Variants in DGKD observed in about 807,000 individuals in gnomAD.
DGKD encodes DAG kinase delta.
A neutral mutation model predicts 154.4 loss-of-function variants in DGKD; 68 were observed. The ratio of observed to expected loss-of-function variants is 0.44; its 90% CI spans 0.36 to 0.54. The LOEUF is 0.54. Ranked by LOEUF, DGKD falls within the 20% of genes least tolerant of loss-of-function variation. The pLI is 0.00. For synonymous variants in DGKD, 693 were observed against 638.0 expected, an observed-to-expected ratio of 1.09 and a Z score of -1.30; for missense variants, 1,343 against 1,593.6, an observed-to-expected ratio of 0.84 and a Z score of 2.68.
chr2:233,445,770 G>C lies in DGKD; in HGVS notation c.1334+8G>C. On this transcript the variant is annotated splice_region_variant and intron_variant, in intron 11 of 29. Coordinates refer to ENST00000264057, the MANE Select transcript of DGKD (RefSeq NM_152879.3). The surrounding 1 kb of genome is among the most constrained non-coding windows in gnomAD (Gnocchi z 5.5). ...CACCAAGATGCTGGACAGGTGAGTG[G>C]GGATGTGCTCCGGTGCCGTATGAGG... The C allele has an allele frequency of 1.2e-6, 2 of 1,608,036 alleles. No homozygotes were observed. Among genetic ancestry groups the C allele is most frequent in the Non-Finnish European group, 1.7e-6 (2 of 1,176,742 alleles).
At chr2:233,386,597 A>G (rs1414755633) in intron 1 of DGKD, among the ~76,000 whole-genome samples, 1 of 152,132 alleles carries the variant, frequency 6.6e-6, no homozygotes, top group Non-Finnish European at 1.5e-5. Flanking sequence ...AAGCGTCATC[A>G]GAATGCTTGA....
At chr2:233,363,388 G>T (rs1315227089) in intron 1 of DGKD, among the ~76,000 whole-genome samples, 4 of 152,008 alleles carry the variant, frequency 2.6e-5, no homozygotes, top group African/African-American at 9.7e-5. Flanking sequence ...AGGATATAAA[G>T]AAAATACTTT....
intron 1 of DGKD, among the ~76,000 whole-genome samples, chr2:233,358,049 AT>A: frequency 6.6e-6 from 1 of 152,302 alleles, no homozygotes; most frequent in East Asian, 1.9e-4. Flanking sequence ...TGCATGTCTG[AT>A]TTTTTAATAT....
In DGKD at chr2:233,471,188, C is replaced by G. The variant is rs2064003098; in HGVS notation, c.*1728C>G. ...AGGCCTTGGGTTTCCCCAGCACAGC[C>G]TCCTGTCGCTGCATGCGACGTGTTG... On this transcript the variant is annotated 3_prime_UTR_variant, in exon 30 of 30. Transcript: ENST00000264057. 6.6e-6 allele frequency: 1 copy of G among 152,386 alleles called. No homozygotes were observed. The highest frequency in any genetic ancestry group is 1.5e-5 in the Non-Finnish European group (1 of 68,052). The allele number at this position is 152,386 out of a possible 1,614,324, so 9.4% of individuals were successfully genotyped here. A position where few individuals can be genotyped will look rare whatever the true frequency, so the allele number is the denominator to read the frequency against.
chr2:233,396,035 C>T (rs1704002965), intron 3 of DGKD, among the ~76,000 whole-genome samples: 1 of 152,172 alleles, frequency 6.6e-6, no homozygotes. Context: ...AAAAATAATG[C>T]AAAATGGTCT....
chr2:233,385,293 G>A (rs1220889167), intron 1 of DGKD, among the ~76,000 whole-genome samples: 1 of 152,176 alleles, frequency 6.6e-6, no homozygotes, highest in Non-Finnish European at 1.5e-5. Context: ...GTGGGTGGCC[G>A]TGGACCACAC....
intron 3 of DGKD, among the ~76,000 whole-genome samples, chr2:233,409,750 A>G (rs1219650557): frequency 4.1e-5 from 6 of 147,756 alleles, no homozygotes; most frequent in Non-Finnish European, 3.0e-5. Flanking sequence ...ACCTGGTTTG[A>G]AGTGTAAACC....
At position 233,446,807 on chromosome 2, in the gene DGKD, C is replaced by A; in HGVS notation, c.1419+11C>A. ...AGCGAGGATTCCGAGGTATTGCTGG[C>A]CTGTTCTTCACACCCTGCTCGCATG... On this transcript the variant is annotated intron_variant, in intron 12 of 29. Coordinates refer to ENST00000264057, the MANE Select transcript of DGKD (RefSeq NM_152879.3). 1 of 1,613,984 alleles carries A rather than the reference C, an allele frequency of 6.2e-7. No individual in the cohort carries two copies. Among genetic ancestry groups the A allele is most frequent in the Non-Finnish European group, 8.5e-7 (1 of 1,179,904 alleles).
At chr2:233,394,155 A>G (rs1447499536) in intron 3 of DGKD, among the ~76,000 whole-genome samples, 1 of 152,192 alleles carries the variant, frequency 6.6e-6, no homozygotes, top group East Asian at 1.9e-4. Context: ...CTCCATTTTG[A>G]AGCTTTGTTA....
In DGKD at chr2:233,452,899, C is replaced by G. The variant is rs900703898; in HGVS notation, c.2264+839C>G. 2.0e-5 allele frequency among the ~76,000 whole-genome samples: 3 copies of G among 152,134 alleles called. No homozygotes were observed. Among genetic ancestry groups the G allele is most frequent in the Non-Finnish European group, 2.9e-5 (2 of 68,020 alleles). The stretch of plus-strand genomic sequence containing the variant: ...GGAAGAAATGTGCGGTTCACAGAGG[C>G]TCTGGGTTTGGGAAAGTGGACCCCT... On this transcript the variant is annotated intron_variant, in intron 18 of 29. Transcript: ENST00000264057. This position sits in a 1 kb window ranked among gnomAD's most constrained non-coding sequence, Gnocchi z 4.0.
At chr2:233,424,012 G>C (rs776235693) in intron 3 of DGKD, among the ~76,000 whole-genome samples, 2 of 152,144 alleles carry the variant, frequency 1.3e-5, no homozygotes, top group Admixed American at 1.3e-4. Flanking sequence ...TTCTCAGTGA[G>C]AGGAGTGGGG....
At chr2:233,422,341 G>A (rs1007919840) in intron 3 of DGKD, among the ~76,000 whole-genome samples, 3 of 152,206 alleles carry the variant, frequency 2.0e-5, no homozygotes, top group Admixed American at 6.5e-5. Flanking sequence ...CCAGGGCCCT[G>A]CCTTGTGCAG....
Position 233,441,266 on chromosome 2 carries a change from G to T in DGKD, c.1086-621G>T, listed in dbSNP as rs534417647. ...CCGAGGAGTTAGGAGGGTAGGAGGC[G>T]TGGGTCACATCACCGGAGGACTGAG... is the stretch of plus-strand genomic sequence containing the variant. On this transcript the variant is annotated intron_variant, in intron 9 of 29. Transcript: ENST00000264057. The surrounding 1 kb of genome is among the most constrained non-coding windows in gnomAD (Gnocchi z 5.6). Among the ~76,000 whole-genome samples, 1 of 152,156 alleles carries T rather than the reference G, an allele frequency of 6.6e-6. No individual in the cohort carries two copies. The highest frequency in any genetic ancestry group is 2.1e-4 in the South Asian group (1 of 4,832).
At chr2:233,468,251 G>A (rs921683005) in intron 28 of DGKD, among the ~76,000 whole-genome samples, 172 bp from the exon 29 acceptor site, 1 of 132,646 alleles carries the variant, frequency 7.5e-6, no homozygotes, top group African/African-American at 3.4e-5. Context: ...TATCTCGGGT[G>A]CCGGCTGCTG....
At chr2:233,368,758 A>G (rs939379234) in intron 1 of DGKD, among the ~76,000 whole-genome samples, 3 of 152,136 alleles carry the variant, frequency 2.0e-5, no homozygotes, top group Admixed American at 1.3e-4. Context: ...AATCAGTTAC[A>G]GTCATTCTTT....
chr2:233,437,249 G>A, intron 7 of DGKD, 128 bp from the exon 8 acceptor site: 1 of 814,504 alleles, frequency 1.2e-6, no homozygotes. Context: ...CCTGATGGTA[G>A]CAGGCCAGCC....
chr2:233,458,613 T>A lies in DGKD; in HGVS notation c.2694+216T>A, dbSNP rs1471726350. Among the ~76,000 whole-genome samples the A allele has an allele frequency of 1.2e-5, 1 of 86,764 alleles. No homozygotes were observed. The highest frequency in any genetic ancestry group is 1.0e-4 in the Admixed American group (1 of 10,002). 56.9% of individuals were successfully genotyped at this position (86,764 alleles called of 152,430 possible). A position where few individuals can be genotyped will look rare whatever the true frequency, so the allele number is the denominator to read the frequency against. On this transcript the variant is annotated intron_variant, in intron 22 of 29. Coordinates refer to ENST00000264057, the MANE Select transcript of DGKD (RefSeq NM_152879.3). The surrounding 1 kb of genome is among the most constrained non-coding windows in gnomAD (Gnocchi z 6.6). ...AAATTCTCAAGATAACTCTTTTTAATTTTTTTTTTTTTTTTTGAGACAGAG... is the reference window on the plus strand; with the variant it reads ...AAATTCTCAAGATAACTCTTTTTAAATTTTTTTTTTTTTTTTGAGACAGAG...
At position 233,441,941 on chromosome 2, in the gene DGKD, T is replaced by C; in HGVS notation, c.1140T>C (p.Asp380=). The C allele has an allele frequency of 6.2e-7, 1 of 1,612,978 alleles. No individual in the cohort carries two copies. Among genetic ancestry groups the C allele is most frequent in the East Asian group, 2.2e-5 (1 of 44,884 alleles). ...TCCGGATTCTGGTTTGTGGCGGGGA[T>C]GGAAGTGTTGGCTGGGTCCTCTCCG... The part of the protein sequence containing the change: ...DTFRILVCGG[D]GSVGWVLSEI... The change falls in exon 10 of 30, where the codon GAT becomes GAC. Residue 380 remains aspartate (D), a synonymous_variant. Coordinates refer to ENST00000264057, the MANE Select transcript of DGKD (RefSeq NM_152879.3). The surrounding 1 kb of genome is among the most constrained non-coding windows in gnomAD (Gnocchi z 5.6).
intron 12 of DGKD, chr2:233,447,463 C>T (rs1217539284): frequency 3.0e-6 from 3 of 984,722 alleles, no homozygotes; most frequent in Non-Finnish European, 3.6e-6. Context: ...TGTGCCTGGG[C>T]CCACGGCCTT....
Sources: gnomAD v4.1 joint callset for allele counts (sites outside exome capture counted in the v4.1 genomes callset) on GRCh38, gnomAD v4.1.1 for gene constraint, Gnocchi (gnomAD v3.1) non-coding constraint, MANE v1.5 for transcripts, NCBI Gene and HGNC (gene_info 2026-07-23, HGNC 2026-07-21) for gene names.